The following ERBB4 variants were observed in gnomAD, a reference collection of about 807,000 sequenced individuals.
The protein encoded by ERBB4 is erb-b2 receptor tyrosine kinase 4.
In ERBB4, 42 loss-of-function variants were observed where a neutral mutation model predicts 158.0. The observed-to-expected ratio is 0.27, with a 90% CI of 0.21 to 0.34. The LOEUF (loss-of-function observed/expected upper bound fraction) is 0.34, where lower values mean the gene tolerates loss of function less well. ERBB4 is among the 10% of genes least tolerant of loss of function. The probability of loss-of-function intolerance (pLI) is 1.00; values close to 1 mark genes in which losing one functional copy is unlikely to be tolerated. For synonymous variants in ERBB4, 583 were observed against 558.7 expected (o/e 1.04, Z -0.61); for missense variants, 1,333 against 1,624.1 (o/e 0.82, Z 3.08).
chr2:211,388,687 T>C (rs2062739182), intron 25 of ERBB4, among the ~76,000 whole-genome samples: 1 of 152,022 alleles, frequency 6.6e-6, no homozygotes, highest in Admixed American at 6.6e-5. Context: ...CAGATTTCAG[T>C]TAAAGAAACA....
At chr2:212,137,229 T>G (rs1382323609) in intron 1 of ERBB4, among the ~76,000 whole-genome samples, 2 of 152,172 alleles carry the variant, frequency 1.3e-5, no homozygotes, top group African/African-American at 4.8e-5. Flanking sequence ...TTTACATTGG[T>G]AAACTTGTGT....
intron 1 of ERBB4, among the ~76,000 whole-genome samples, chr2:212,138,598 C>A (rs1473809410): frequency 1.3e-5 from 2 of 152,142 alleles, no homozygotes; most frequent in Admixed American, 6.6e-5. Context: ...AAACACAATT[C>A]TTTTCTTTAT....
intron 1 of ERBB4, among the ~76,000 whole-genome samples, chr2:212,294,642 T>TA (rs1483435560): frequency 6.6e-6 from 1 of 152,006 alleles, no homozygotes; most frequent in Non-Finnish European, 1.5e-5. Flanking sequence ...ACTTACAATA[T>TA]AAAAAACTCT....
Position 211,436,377 on chromosome 2 carries a change from C to T in ERBB4, c.2488-5277G>A, listed in dbSNP as rs1280771558. Reference sequence around the variant, plus strand: ...GGAGTGTAGATTCTGTGGTCAATTGCCTGTTTCAAACCCCAGCCCTGCCAT... The same window carrying T: ...GGAGTGTAGATTCTGTGGTCAATTGTCTGTTTCAAACCCCAGCCCTGCCAT... On this transcript the variant is annotated intron_variant, in intron 20 of 27. Transcript: ENST00000342788. Among the ~76,000 whole-genome samples the T allele has an allele frequency of 2.0e-5, 3 of 148,806 alleles. No individual in the cohort carries two copies. The East Asian group carries it at 6.1e-4, about 30-fold the overall frequency.
At chr2:211,631,777 A>C (rs2070142112) in intron 16 of ERBB4, among the ~76,000 whole-genome samples, 1 of 152,158 alleles carries the variant, frequency 6.6e-6, no homozygotes, top group East Asian at 1.9e-4. Flanking sequence ...TTGACCAGGA[A>C]GCCACAATGG....
intron 20 of ERBB4, among the ~76,000 whole-genome samples, chr2:211,461,405 T>C (rs2064527328): frequency 6.6e-6 from 1 of 152,192 alleles, no homozygotes; most frequent in African/African-American, 2.4e-5. Flanking sequence ...TTTTGTTTGT[T>C]CTGTTTCCTT....
intron 17 of ERBB4, among the ~76,000 whole-genome samples, chr2:211,627,283 G>A (rs953060615): frequency 8.5e-5 from 13 of 152,312 alleles, no homozygotes; most frequent in Non-Finnish European, 1.3e-4. Context: ...ATAGCACAAA[G>A]CACATGTGTT....
chr2:212,306,692 C>T (rs1233222789), intron 1 of ERBB4, among the ~76,000 whole-genome samples: 1 of 141,478 alleles, frequency 7.1e-6, no homozygotes, highest in African/African-American at 2.5e-5. Context: ...TAAATTTATA[C>T]CCTAACATTT....
chr2:212,219,345 A>G (rs1219260087), intron 1 of ERBB4, among the ~76,000 whole-genome samples: 2 of 151,416 alleles, frequency 1.3e-5, no homozygotes, highest in African/African-American at 2.4e-5. Flanking sequence ...ATAGGTGACT[A>G]TGTCACATTT....
At chr2:212,474,265 G>C (rs1689263188) in intron 1 of ERBB4, among the ~76,000 whole-genome samples, 1 of 151,762 alleles carries the variant, frequency 6.6e-6, no homozygotes, top group Non-Finnish European at 1.5e-5. Context: ...TGCAAATAGG[G>C]GTCCAGTAAA....
chr2:211,942,125 G>A (rs939275972), intron 3 of ERBB4, among the ~76,000 whole-genome samples: 1 of 151,974 alleles, frequency 6.6e-6, no homozygotes, highest in Admixed American at 6.6e-5. Flanking sequence ...TGTCCTTTTC[G>A]ATATTAGGTT....
At chr2:211,649,242 C>A (rs1334954713) in intron 16 of ERBB4, among the ~76,000 whole-genome samples, 1 of 151,684 alleles carries the variant, frequency 6.6e-6, no homozygotes, top group Non-Finnish European at 1.5e-5. Flanking sequence ...CTGAATGACT[C>A]TAAGTCTGTT....
intron 5 of ERBB4, among the ~76,000 whole-genome samples, chr2:211,744,421 A>G (rs2074899252): frequency 6.6e-6 from 1 of 152,190 alleles, no homozygotes; most frequent in Admixed American, 6.6e-5. Flanking sequence ...TCTTCCATTT[A>G]GCTAAATCTA....
intron 3 of ERBB4, among the ~76,000 whole-genome samples, chr2:211,866,182 C>T (rs948377482): frequency 1.2e-3 from 190 of 152,214 alleles, no homozygotes; most frequent in African/African-American, 4.4e-3. Flanking sequence ...ACCCGGGAGG[C>T]GGGGCTTGCA....
At chr2:211,815,721 C>G (rs1030878739) in intron 3 of ERBB4, among the ~76,000 whole-genome samples, 1 of 152,162 alleles carries the variant, frequency 6.6e-6, no homozygotes, top group African/African-American at 2.4e-5. Flanking sequence ...AGGATGTTGC[C>G]AGAGGAGATT....
Position 211,665,475 on chromosome 2 carries a change from A to C in ERBB4, c.1719T>G (p.Gly573=). 1 of 1,613,924 alleles carries C rather than the reference A, an allele frequency of 6.2e-7. No homozygotes were observed. Among genetic ancestry groups the C allele is most frequent in the South Asian group, 1.1e-5 (1 of 91,076 alleles). Residue 573 remains glycine (G), a splice_region_variant and synonymous_variant, in exon 15 of 28, where the codon GGT becomes GGG. Coordinates refer to ENST00000342788, the MANE Select transcript of ERBB4 (RefSeq NM_005235.3). ...GAGAGCACTTTGTACAGTTGTCAGG[A>C]CCCTGAAATGTGAAAACGAAAAAAA... ...EDGLLTCHGP[G]PDNCTKCSHF...
chr2:211,442,574 C>G (rs1349485081), intron 20 of ERBB4, among the ~76,000 whole-genome samples: 2 of 151,960 alleles, frequency 1.3e-5, no homozygotes, highest in African/African-American at 4.8e-5. Context: ...CCAATGCTAA[C>G]AGTTTCATGT....
chr2:211,855,013 A>C (rs938961451), intron 3 of ERBB4, among the ~76,000 whole-genome samples: 3 of 152,120 alleles, frequency 2.0e-5, no homozygotes, highest in African/African-American at 7.2e-5. Flanking sequence ...CATGTACTCA[A>C]CAACATTCGT....
chr2:212,306,636 G>T (rs1471909183), intron 1 of ERBB4, among the ~76,000 whole-genome samples: 1 of 151,210 alleles, frequency 6.6e-6, no homozygotes, highest in Non-Finnish European at 1.5e-5. Context: ...TTATTAAACT[G>T]CATATCCTAA....
Sources: allele counts gnomAD v4.1 joint callset (sites outside exome capture counted in the v4.1 genomes callset), GRCh38; gene constraint gnomAD v4.1.1; transcripts MANE v1.5; gene names NCBI Gene and HGNC (gene_info 2026-07-23, HGNC 2026-07-21).